Variants in CSMD1 observed in about 807,000 individuals in gnomAD.
CSMD1 encodes CUB and sushi domain-containing protein 1.
Under a neutral mutation model 417.5 loss-of-function variants are expected in CSMD1, and 213 were observed. That is an observed-to-expected ratio of 0.51 (90% CI 0.46 to 0.57). CSMD1 has a LOEUF of 0.57. Among genes scored for constraint, CSMD1 ranks in the 20% least tolerant of loss-of-function variants. The pLI is 0.00. For missense variants in CSMD1, 6,923 were observed against 4,529.7 expected, an observed-to-expected ratio of 1.53 and a Z score of -15.17; for synonymous variants, 2,862 against 1,736.8, an observed-to-expected ratio of 1.65 and a Z score of -16.11.
intron 12 of CSMD1, among the ~76,000 whole-genome samples, chr8:3,411,137 T>C (rs891632609): frequency 6.6e-6 from 1 of 152,144 alleles, no homozygotes; most frequent in African/African-American, 2.4e-5. Context: ...GGAGACCTGG[T>C]GTCATCTGAC....
At chr8:4,097,164 C>T (rs926529142) in intron 3 of CSMD1, among the ~76,000 whole-genome samples, 5 of 152,056 alleles carry the variant, frequency 3.3e-5, no homozygotes, top group African/African-American at 7.2e-5. Flanking sequence ...GTCATGCTTA[C>T]CATTATATAT....
At chr8:4,558,562 T>C (rs1798192079) in intron 2 of CSMD1, among the ~76,000 whole-genome samples, 1 of 152,050 alleles carries the variant, frequency 6.6e-6, no homozygotes, top group African/African-American at 2.4e-5. Flanking sequence ...CAAACACTAG[T>C]CCCTAATAAA....
intron 3 of CSMD1, among the ~76,000 whole-genome samples, chr8:4,042,153 A>T (rs1056074372): frequency 1.7e-4 from 26 of 152,188 alleles, no homozygotes; most frequent in African/African-American, 6.3e-4. Flanking sequence ...AAATTTACTA[A>T]AACAGTGAAC....
intron 3 of CSMD1, among the ~76,000 whole-genome samples, chr8:4,261,411 G>A (rs1479248436): frequency 6.6e-6 from 1 of 152,160 alleles, no homozygotes. Flanking sequence ...GGGCTGGGGA[G>A]AGGGGAAATG....
chr8:4,958,082 T>C (rs530395299), intron 1 of CSMD1, among the ~76,000 whole-genome samples: 1 of 152,296 alleles, frequency 6.6e-6, no homozygotes, highest in East Asian at 1.9e-4. Flanking sequence ...TATTTGAGTG[T>C]TCATAATCCA....
chr8:3,511,012 A>C (rs1009379109), intron 10 of CSMD1, among the ~76,000 whole-genome samples: 2 of 151,886 alleles, frequency 1.3e-5, no homozygotes, highest in African/African-American at 4.9e-5. Flanking sequence ...CAAACAAAGA[A>C]AACGTGGCAC....
At chr8:4,026,556 G>C (rs899059416) in intron 4 of CSMD1, among the ~76,000 whole-genome samples, 2 of 152,314 alleles carry the variant, frequency 1.3e-5, no homozygotes, top group Admixed American at 6.5e-5. Flanking sequence ...AATACTCTTG[G>C]CTTAGGCCAA....
intron 3 of CSMD1, among the ~76,000 whole-genome samples, chr8:4,376,941 G>A (rs958312656): frequency 3.9e-5 from 6 of 152,168 alleles, no homozygotes; most frequent in African/African-American, 1.2e-4. Context: ...CGGGGGTAAT[G>A]TTCACTCCTC....
chr8:4,503,559 A>G (rs1030164774), intron 2 of CSMD1, among the ~76,000 whole-genome samples: 2 of 152,190 alleles, frequency 1.3e-5, no homozygotes, highest in Non-Finnish European at 2.9e-5. Context: ...TGTCAAATGG[A>G]TTGGTATATG....
chr8:4,776,834 C>T (rs771015062), intron 1 of CSMD1, among the ~76,000 whole-genome samples: 8 of 152,090 alleles, frequency 5.3e-5, no homozygotes, highest in African/African-American at 9.7e-5. Flanking sequence ...TTACTGATTT[C>T]TGATTCTGGA....
intron 1 of CSMD1, among the ~76,000 whole-genome samples, chr8:4,760,113 A>G (rs1407059767): frequency 3.3e-5 from 5 of 152,196 alleles, no homozygotes; most frequent in Admixed American, 2.6e-4. Context: ...TCTGACTGGC[A>G]TGAGATCTAA....
chr8:3,624,228 G>A (rs1342228155), intron 7 of CSMD1, among the ~76,000 whole-genome samples: 1 of 152,118 alleles, frequency 6.6e-6, no homozygotes, highest in African/African-American at 2.4e-5. Flanking sequence ...GAAGCCATAT[G>A]GTTTCAACCA....
At chr8:4,283,814 A>G (rs1352448413) in intron 3 of CSMD1, among the ~76,000 whole-genome samples, 2 of 152,172 alleles carry the variant, frequency 1.3e-5, no homozygotes, top group Non-Finnish European at 2.9e-5. Flanking sequence ...TTACCCACCT[A>G]TAAAATCCTA....
Position 2,936,358 on chromosome 8 carries a change from T to G in CSMD1, c.*2227A>C, listed in dbSNP as rs1344882814. 7.1e-6 allele frequency: 1 copy of G among 141,388 alleles called. No individual in the cohort carries two copies. The highest frequency in any genetic ancestry group is 1.5e-5 in the Non-Finnish European group (1 of 65,650). The allele number at this position is 141,388 out of a possible 1,614,324, so 8.8% of individuals were successfully genotyped here. The stretch of plus-strand genomic sequence containing the variant: ...TGCACCTAGTTTGAATGACTCAAAC[T>G]TAGATATGTACAATATATATATATA... On this transcript the variant is annotated 3_prime_UTR_variant, in exon 70 of 70. Transcript: ENST00000635120.
intron 4 of CSMD1, among the ~76,000 whole-genome samples, chr8:4,019,185 G>C (rs1220198262): frequency 2.6e-5 from 4 of 152,162 alleles, no homozygotes; most frequent in African/African-American, 9.7e-5. Context: ...AACAGTCCAA[G>C]ACAGGTTTAT....
chr8:3,023,405 T>C (rs1416632480), intron 51 of CSMD1, among the ~76,000 whole-genome samples: 1 of 152,170 alleles, frequency 6.6e-6, no homozygotes, highest in East Asian at 1.9e-4. Flanking sequence ...AGTCGAACAA[T>C]AAATAAATGT....
chr8:3,137,781 T>C (rs980962717), intron 41 of CSMD1, among the ~76,000 whole-genome samples: 2 of 152,328 alleles, frequency 1.3e-5, no homozygotes, highest in East Asian at 3.9e-4. Flanking sequence ...CAACCATGTG[T>C]TGTGTATTTC....
At chr8:3,965,639 A>G (rs1430587651) in intron 5 of CSMD1, among the ~76,000 whole-genome samples, 1 of 151,622 alleles carries the variant, frequency 6.6e-6, no homozygotes, top group Non-Finnish European at 1.5e-5. Context: ...TATTTTTGAA[A>G]TGGAGTCTCA....
intron 10 of CSMD1, among the ~76,000 whole-genome samples, chr8:3,557,949 G>A (rs1360281632): frequency 6.6e-6 from 1 of 152,196 alleles, no homozygotes; most frequent in South Asian, 2.1e-4. Flanking sequence ...CAAAAACATT[G>A]TGGAATGTGT....
Sources: gnomAD v4.1 joint callset for allele counts (sites outside exome capture counted in the v4.1 genomes callset) on GRCh38, gnomAD v4.1.1 for gene constraint, MANE v1.5 for transcripts, NCBI Gene and HGNC (gene_info 2026-07-23, HGNC 2026-07-21) for gene names.